SPC25: variants seen among roughly 807,000 people sequenced by gnomAD.
SPC25 encodes the protein kinetochore protein Spc25.
SPC25 carries 22 observed loss-of-function variants against 29.6 expected under a neutral mutation model. The observed-to-expected ratio is 0.74, with a 90% CI of 0.53 to 1.06. SPC25 has a LOEUF of 1.06. Among genes scored for constraint, SPC25 ranks in the 50% least tolerant of loss-of-function variants. The probability of loss-of-function intolerance (pLI) is 0.00; values close to 1 mark genes in which losing one functional copy is unlikely to be tolerated. For synonymous variants in SPC25, 91 were observed against 90.4 expected, an observed-to-expected ratio of 1.01 and a Z score of -0.04; for missense variants, 230 against 255.8, an observed-to-expected ratio of 0.90 and a Z score of 0.69.
chr2:168,861,875 C>T, intron 4 of SPC25: 1 of 1,215,770 alleles, frequency 8.2e-7, no homozygotes, highest in Non-Finnish European at 1.2e-6. Flanking sequence ...AACTCTGCAT[C>T]ACACTGTTAA....
chr2:168,865,889 A>G (rs1689834721), intron 4 of SPC25, among the ~76,000 whole-genome samples: 1 of 152,262 alleles, frequency 6.6e-6, no homozygotes, highest in Non-Finnish European at 1.5e-5. Flanking sequence ...CAAAGAGAAT[A>G]AAATACCTAG....
intron 3 of SPC25, among the ~76,000 whole-genome samples, chr2:168,886,426 C>G (rs189444767): frequency 6.6e-6 from 1 of 152,074 alleles, no homozygotes; most frequent in African/African-American, 2.4e-5. Context: ...ATACTTTATG[C>G]ACTGTTGTCT....
rs572773262 is a variant in SPC25 at position 168,888,972 on chromosome 2, T to TATATACAC, written c.199+253_199+254insGTGTATAT. ...GTGTGTGTGTGTATATATATATATA[T>TATATACAC]ACACACACACATATATATGTATATA... On this transcript the variant is annotated intron_variant, in intron 3 of 6. Coordinates refer to ENST00000282074, the MANE Select transcript of SPC25 (RefSeq NM_020675.4). Among the ~76,000 whole-genome samples, 8 of 103,278 alleles carry TATATACAC rather than the reference T, an allele frequency of 7.7e-5. No individual in the cohort carries two copies. In the South Asian group the frequency reaches 1.9e-3, roughly 25 times the overall value. 67.8% of individuals were successfully genotyped at this position (103,278 alleles called of 152,430 possible). A position where few individuals can be genotyped will look rare whatever the true frequency, so the allele number is the denominator to read the frequency against.
chr2:168,877,327 A>G lies in SPC25; in HGVS notation c.257T>C (p.Ile86Thr). 1.2e-6 allele frequency: 2 copies of G among 1,613,864 alleles called. No individual in the cohort carries two copies. The highest frequency in any genetic ancestry group is 2.2e-5 in the East Asian group (1 of 44,836). ...QEKKDNLLKL[I>T]AEVKGKKQEL... ...CTGCTTTTTGCCTTTTACTTCAGCA[A>G]TCAATTTTAACAAGTTATCCTTTTT... Residue 86 changes from isoleucine (I) to threonine (T), a missense_variant, in exon 4 of 7, where the codon ATT (isoleucine) becomes ACT (threonine). Physicochemically the swap from Ile to Thr is moderately conservative, Grantham distance 89. Transcript: ENST00000282074.
At chr2:168,866,300 C>T (rs1259308386), downstream of SPC25, among the ~76,000 whole-genome samples, 1 of 152,306 alleles carries the variant, frequency 6.6e-6, no homozygotes, top group Non-Finnish European at 1.5e-5. Flanking sequence ...TGGAACAGAA[C>T]AGAGCCCTCA....
At position 168,876,195 on chromosome 2, in the gene SPC25, C is replaced by T. The variant is rs1267457152; in HGVS notation, c.347-19G>A. ...GAAATAGCTGATTAAAAAACACACA[C>T]AATATTAAATGTTTTAAATAATAGC... On this transcript the variant is annotated intron_variant, in intron 4 of 6. Transcript: ENST00000282074. 2 of 1,472,974 alleles carry T rather than the reference C, an allele frequency of 1.4e-6. No homozygotes were observed. The highest frequency in any genetic ancestry group is 1.5e-5 in the African/African-American group (1 of 68,494). 91.2% of individuals were successfully genotyped at this position (1,472,974 alleles called of 1,614,324 possible). A position where few individuals can be genotyped will look rare whatever the true frequency, so the allele number is the denominator to read the frequency against.
intron 3 of SPC25, among the ~76,000 whole-genome samples, chr2:168,880,200 A>T (rs1690153851): frequency 6.6e-6 from 1 of 152,194 alleles, no homozygotes; most frequent in African/African-American, 2.4e-5. Context: ...AAAGTCCTAG[A>T]TGGCATCTTC....
chr2:168,886,524 CT>C (rs112769874), intron 3 of SPC25, among the ~76,000 whole-genome samples: 245 of 143,594 alleles, frequency 1.7e-3, no homozygotes, highest in Middle Eastern at 3.5e-3. Context: ...AAACTGATTT[CT>C]TTTTTTTTTT....
chr2:168,876,333 A>C (rs187148955), intron 4 of SPC25, among the ~76,000 whole-genome samples, 157 bp from the exon 5 acceptor site: 1 of 152,220 alleles, frequency 6.6e-6, no homozygotes, highest in African/African-American at 2.4e-5. Flanking sequence ...TGGCTAAAAG[A>C]AGCTTCTGTT....
downstream of SPC25, among the ~76,000 whole-genome samples, chr2:168,869,654 T>C (rs960540538): frequency 6.6e-5 from 10 of 152,136 alleles, no homozygotes; most frequent in Admixed American, 1.3e-4. Context: ...TTACAAGGGA[T>C]GTGAAGGACC....
At chr2:168,862,730 T>TAAAG in intron 4 of SPC25, among the ~76,000 whole-genome samples, 1 of 151,558 alleles carries the variant, frequency 6.6e-6, no homozygotes, top group East Asian at 2.0e-4. Flanking sequence ...ACAACATTAT[T>TAAAG]AAAGAAGAAA....
In SPC25 at chr2:168,889,511, C is replaced by A; in HGVS notation, c.9G>T (p.Glu3Asp). 6.2e-7 allele frequency: 1 copy of A among 1,613,310 alleles called. No individual in the cohort carries two copies. Among genetic ancestry groups the A allele is most frequent in the Non-Finnish European group, 8.5e-7 (1 of 1,179,734 alleles). The change falls in exon 2 of 7, where the codon GAG (glutamate) becomes GAT (aspartate). Residue 3 changes from glutamate to aspartate, a missense_variant. Coordinates refer to ENST00000282074, the MANE Select transcript of SPC25 (RefSeq NM_020675.4). ...TTTTATCGAAAAGTGCCAGTTCGTC[C>A]TCTACCATTATGTAGGACAATGCTA... MV[E>D]DELALFDKSI...
intron 4 of SPC25, chr2:168,862,067 A>G: frequency 6.2e-7 from 1 of 1,604,400 alleles, no homozygotes; most frequent in African/African-American, 1.3e-5. Context: ...TCATTCTCAA[A>G]TATTTTAATT....
At chr2:168,864,361 A>G (rs1454094401) in intron 4 of SPC25, among the ~76,000 whole-genome samples, 4 of 150,398 alleles carry the variant, frequency 2.7e-5, no homozygotes, top group East Asian at 2.0e-4. Context: ...ATCTCAGCTC[A>G]CTGCAACCTC....
At chr2:168,876,560 T>C (rs548792908) in intron 4 of SPC25, among the ~76,000 whole-genome samples, 6 of 151,774 alleles carry the variant, frequency 4.0e-5, no homozygotes, top group Non-Finnish European at 8.8e-5. Flanking sequence ...AACTATTTCT[T>C]ATGAGAGGTC....
chr2:168,869,599 C>T (rs1191593859), downstream of SPC25, among the ~76,000 whole-genome samples: 2 of 152,110 alleles, frequency 1.3e-5, no homozygotes, highest in Admixed American at 1.3e-4. Context: ...AGTGAACTCC[C>T]ATTCACAATT....
At chr2:168,878,452 T>G (rs1053573359) in intron 3 of SPC25, among the ~76,000 whole-genome samples, 1 of 152,192 alleles carries the variant, frequency 6.6e-6, no homozygotes, top group African/African-American at 2.4e-5. Context: ...ATCAAAAACC[T>G]TTCAAATCTC....
intron 6 of SPC25, among the ~76,000 whole-genome samples, chr2:168,872,794 G>C (rs1278256969): frequency 1.3e-5 from 2 of 152,084 alleles, no homozygotes; most frequent in Non-Finnish European, 2.9e-5. Flanking sequence ...CCAAACATCT[G>C]TATAAGAAAT....
intron 3 of SPC25, among the ~76,000 whole-genome samples, chr2:168,887,281 G>A (rs1325328137): frequency 6.6e-6 from 1 of 151,452 alleles, no homozygotes; most frequent in Non-Finnish European, 1.5e-5. Flanking sequence ...AATTAGTGGT[G>A]CGTGGTGGTG....
Sources: gnomAD v4.1 joint callset for allele counts (sites outside exome capture counted in the v4.1 genomes callset) on GRCh38, gnomAD v4.1.1 for gene constraint, MANE v1.5 for transcripts, NCBI Gene and HGNC (gene_info 2026-07-23, HGNC 2026-07-21) for gene names.